Variants in CAMTA1 observed in about 807,000 individuals in gnomAD.
CAMTA1 encodes calmodulin binding transcription activator 1, also known as calmodulin-binding transcription activator 1.
CAMTA1 carries 27 observed loss-of-function variants against 170.9 expected under a neutral mutation model. That is an observed-to-expected ratio of 0.16 (90% CI 0.12 to 0.22). The LOEUF (loss-of-function observed/expected upper bound fraction) is 0.22. CAMTA1 is among the 10% of genes least tolerant of loss of function. CAMTA1 has a pLI of 1.00. For missense variants in CAMTA1, 1,619 were observed against 2,217.2 expected, an observed-to-expected ratio of 0.73 and a Z score of 5.42; for synonymous variants, 833 against 891.5, an observed-to-expected ratio of 0.93 and a Z score of 1.17.
chr1:7,529,489 C>T (rs2150033484), intron 6 of CAMTA1, among the ~76,000 whole-genome samples: 1 of 152,292 alleles, frequency 6.6e-6, no homozygotes, highest in African/African-American at 2.4e-5. Flanking sequence ...ATTGTTGTCA[C>T]AGACAAGGAA....
Position 7,115,583 on chromosome 1 carries a change from A to G in CAMTA1, c.302+24212A>G, listed in dbSNP as rs370474750. On this transcript the variant is annotated intron_variant, in intron 4 of 22. Coordinates refer to ENST00000303635, the MANE Select transcript of CAMTA1 (RefSeq NM_015215.4). ...AGCTGATGATGTTGTTCCAGTCTGA[A>G]TCTGAAAGCCTGAGACCCAGGAGAG... is the stretch of plus-strand genomic sequence containing the variant. Among the ~76,000 whole-genome samples, 12 of 118,946 alleles carry G rather than the reference A, an allele frequency of 1.0e-4. 2 individuals carry two copies. Among genetic ancestry groups the G allele is most frequent in the Admixed American group, 8.1e-4 (9 of 11,178 alleles). 78.0% of individuals were successfully genotyped at this position (118,946 alleles called of 152,430 possible). A position where few individuals can be genotyped will look rare whatever the true frequency, so the allele number is the denominator to read the frequency against.
Position 7,393,552 on chromosome 1 carries a change from C to CT in CAMTA1, c.439-74271dup, listed in dbSNP as rs921533599. On this transcript the variant is annotated intron_variant, in intron 5 of 22. Transcript: ENST00000303635. ...CCCAGCCTTGTTTGTTTTTTCTTTT[C>CT]TTTTTTTGGCTTTCACATTTAATTG... Among the ~76,000 whole-genome samples, 84 of 151,806 alleles carry CT rather than the reference C, an allele frequency of 5.5e-4. 2 individuals are homozygous for CT. Among genetic ancestry groups the CT allele is most frequent in the Non-Finnish European group, 4.4e-5 (3 of 67,940 alleles).
intron 4 of CAMTA1, among the ~76,000 whole-genome samples, chr1:7,242,792 A>G (rs1665109115): frequency 6.6e-6 from 1 of 150,756 alleles, no homozygotes; most frequent in Non-Finnish European, 1.5e-5. Flanking sequence ...ATAAATAAAT[A>G]AATAAATAAA....
chr1:7,724,599 G>A (rs528848349), intron 11 of CAMTA1, among the ~76,000 whole-genome samples: 1 of 152,178 alleles, frequency 6.6e-6, no homozygotes, highest in South Asian at 2.1e-4. Context: ...TTGGGAGGCT[G>A]AGGTGGGCAG....
chr1:7,429,655 G>T (rs1318009697), intron 5 of CAMTA1, among the ~76,000 whole-genome samples: 2 of 152,140 alleles, frequency 1.3e-5, no homozygotes, highest in Non-Finnish European at 2.9e-5. Flanking sequence ...TGACAGTGCT[G>T]ATAATATGGA....
chr1:6,854,995 G>A (rs1260679477), intron 3 of CAMTA1, among the ~76,000 whole-genome samples: 2 of 152,096 alleles, frequency 1.3e-5, no homozygotes, highest in Admixed American at 1.3e-4. Context: ...TTATTTTACT[G>A]GAAGTCCTAC....
At chr1:6,846,511 AG>A (rs1403837837) in intron 3 of CAMTA1, among the ~76,000 whole-genome samples, 1 of 152,266 alleles carries the variant, frequency 6.6e-6, no homozygotes, top group African/African-American at 2.4e-5. Flanking sequence ...TTTTTTAAAA[AG>A]TTCAAAAACA....
chr1:7,029,616 T>A (rs932811930), intron 3 of CAMTA1, among the ~76,000 whole-genome samples: 2 of 151,968 alleles, frequency 1.3e-5, no homozygotes, highest in Non-Finnish European at 2.9e-5. Flanking sequence ...CTCTCTCTCT[T>A]TTTTGCATAG....
At chr1:7,245,860 A>C (rs1665687629) in intron 4 of CAMTA1, among the ~76,000 whole-genome samples, 1 of 152,182 alleles carries the variant, frequency 6.6e-6, no homozygotes, top group Non-Finnish European at 1.5e-5. Context: ...GGCATGTGGA[A>C]GTGAAAGAGG....
rs1286572605 is a variant in CAMTA1, at chr1:7,655,209, AAC to A, written c.665-6512_665-6511del. Among the ~76,000 whole-genome samples, 11 of 88,436 alleles carry A rather than the reference AAC, an allele frequency of 1.2e-4. 1 individual carries two copies. The Admixed American group carries it at 1.4e-3, about 12-fold the overall frequency. 58.0% of individuals were successfully genotyped at this position (88,436 alleles called of 152,430 possible). On this transcript the variant is annotated intron_variant, in intron 7 of 22. Coordinates refer to ENST00000303635, the MANE Select transcript of CAMTA1 (RefSeq NM_015215.4). Reference sequence around the variant, plus strand: ...ACAAACACACACCCCTATACACACAAACACACCCATCTATACACACACACACC... The same window carrying A: ...ACAAACACACACCCCTATACACACAAACACCCATCTATACACACACACACC...
intron 5 of CAMTA1, among the ~76,000 whole-genome samples, chr1:7,310,650 T>TCTTTC (rs1676414599): frequency 4.9e-5 from 3 of 61,832 alleles, no homozygotes; most frequent in African/African-American, 2.7e-4. Flanking sequence ...CTTTCTTTTT[T>TCTTTC]CTTTCTTTCT....
At chr1:6,941,558 G>A (rs1050268033) in intron 3 of CAMTA1, among the ~76,000 whole-genome samples, 4 of 152,226 alleles carry the variant, frequency 2.6e-5, no homozygotes, top group Non-Finnish European at 4.4e-5. Context: ...ACATCAGGGA[G>A]GGTGGGGCTC....
At chr1:7,683,795 A>G (rs1408045197) in intron 11 of CAMTA1, among the ~76,000 whole-genome samples, 1 of 152,198 alleles carries the variant, frequency 6.6e-6, no homozygotes, top group Non-Finnish European at 1.5e-5. Context: ...GGCCTCCGTC[A>G]TTATACATTG....
rs371668064 is a variant in CAMTA1 at position 6,890,097 on chromosome 1, A to G, written c.234+64887A>G. 1.4e-4 allele frequency among the ~76,000 whole-genome samples: 21 copies of G among 152,334 alleles called. No individual in the cohort carries two copies. The East Asian group carries it at 3.5e-3, about 25-fold the overall frequency. On this transcript the variant is annotated intron_variant, in intron 3 of 22. Transcript: ENST00000303635. ...GTGGCACACAGAGGACGTCAGGCAG[A>G]GAGGGACTCTGACCCAGGAGCCTTC...
At chr1:7,051,922 A>T (rs906594804) in intron 3 of CAMTA1, among the ~76,000 whole-genome samples, 6 of 152,050 alleles carry the variant, frequency 3.9e-5, no homozygotes, top group African/African-American at 7.2e-5. Flanking sequence ...TTCCTTGGGA[A>T]CCTGCTGCAC....
At chr1:6,909,073 CAGGT>C (rs1005397523) in intron 3 of CAMTA1, among the ~76,000 whole-genome samples, 3 of 152,322 alleles carry the variant, frequency 2.0e-5, no homozygotes, top group East Asian at 1.9e-4. Flanking sequence ...CCAATGGTGA[CAGGT>C]AGGATTAAGC....
chr1:7,374,064 C>T (rs1037584180), intron 5 of CAMTA1, among the ~76,000 whole-genome samples: 5 of 152,204 alleles, frequency 3.3e-5, no homozygotes, highest in South Asian at 2.1e-4. Context: ...TGCCTCCCCG[C>T]CTCACTGGCA....
chr1:6,886,977 A>G (rs1187567018), intron 3 of CAMTA1, among the ~76,000 whole-genome samples: 1 of 152,210 alleles, frequency 6.6e-6, no homozygotes, highest in Non-Finnish European at 1.5e-5. Flanking sequence ...TATTCTTCTA[A>G]TCTATGAAAC....
intron 5 of CAMTA1, among the ~76,000 whole-genome samples, chr1:7,412,720 A>ATGG (rs1393546247): frequency 6.6e-6 from 1 of 151,870 alleles, no homozygotes; most frequent in Admixed American, 6.6e-5. Context: ...GTTCACTCTG[A>ATGG]TGGTAGTTTC....
Sources: allele counts gnomAD v4.1 joint callset (sites outside exome capture counted in the v4.1 genomes callset), GRCh38; gene constraint gnomAD v4.1.1; transcripts MANE v1.5; gene names NCBI Gene and HGNC (gene_info 2026-07-23, HGNC 2026-07-21).